BARD1: variants seen among roughly 807,000 people sequenced by gnomAD.
BARD1 encodes the protein BRCA1 associated RING domain 1.
In BARD1, 73 loss-of-function variants were observed where a neutral mutation model predicts 77.0. That is an observed-to-expected ratio of 0.95 (90% CI 0.79 to 1.15). BARD1 has a LOEUF of 1.15. BARD1 is among the 50% of genes most tolerant of loss of function. BARD1 has a pLI of 0.00. For synonymous variants in BARD1, 384 were observed against 338.0 expected, an observed-to-expected ratio of 1.14 and a Z score of -1.49; for missense variants, 993 against 938.8, an observed-to-expected ratio of 1.06 and a Z score of -0.75.
At chr2:214,764,264 G>A (rs1433268879) in intron 6 of BARD1, among the ~76,000 whole-genome samples, 2 of 152,126 alleles carry the variant, frequency 1.3e-5, no homozygotes, top group Non-Finnish European at 2.9e-5. Flanking sequence ...GACTACATTA[G>A]GCACTTGGCA....
Position 214,792,213 on chromosome 2 carries a change from T to C in BARD1, c.364+84A>G, listed in dbSNP as rs938653564. 25 of 1,274,842 alleles carry C rather than the reference T, an allele frequency of 2.0e-5. No homozygotes were observed. The African/African-American group carries it at 2.3e-4, about 12-fold the overall frequency. 79.0% of individuals were successfully genotyped at this position (1,274,842 alleles called of 1,614,324 possible). ...GAAATACGTATTCCAGAACTCCAGA[T>C]AGATGTTTTATATACTTTATGAATA... is the stretch of plus-strand genomic sequence containing the variant. On this transcript the variant is annotated intron_variant, in intron 3 of 10. Coordinates refer to ENST00000260947, the MANE Select transcript of BARD1 (RefSeq NM_000465.4).
At chr2:214,801,699 C>T (rs1012332994) in intron 1 of BARD1, among the ~76,000 whole-genome samples, 1 of 152,098 alleles carries the variant, frequency 6.6e-6, no homozygotes, top group African/African-American at 2.4e-5. Context: ...GACTGTGTTC[C>T]ACTCTTTTCT....
intron 7 of BARD1, 144 bp downstream of exon 7, chr2:214,752,303 C>A: frequency 1.5e-6 from 1 of 673,416 alleles, no homozygotes. Context: ...GTCTTTGAAT[C>A]CACAGTAGCT....
intron 7 of BARD1, among the ~76,000 whole-genome samples, chr2:214,748,689 T>C (rs1693257602): frequency 6.6e-6 from 1 of 151,974 alleles, no homozygotes; most frequent in Non-Finnish European, 1.5e-5. Flanking sequence ...ACATAAAAAT[T>C]CTAAAGAGAA....
At chr2:214,751,132 TATATATATATATA>T (rs1693408598) in intron 7 of BARD1, among the ~76,000 whole-genome samples, 2 of 29,250 alleles carry the variant, frequency 6.8e-5, no homozygotes, top group East Asian at 8.4e-4. Context: ...TATATATATA[TATATATATATATA>T]TATATATTTT....
At chr2:214,799,377 T>G (rs190642761) in intron 1 of BARD1, among the ~76,000 whole-genome samples, 3,056 of 152,296 alleles carry the variant, frequency 0.02, 87 homozygotes, top group African/African-American at 0.067. Context: ...TCTACCAAAG[T>G]AATGTATTCA....
chr2:214,781,120 G>C lies in BARD1; in HGVS notation c.754C>G (p.Pro252Ala), dbSNP rs758368819. 6.3e-7 allele frequency: 1 copy of C among 1,578,532 alleles called. No homozygotes were observed. Among genetic ancestry groups the C allele is most frequent in the African/African-American group, 1.4e-5 (1 of 73,158 alleles). ...FCSQPSVISS[P>A]QINGEIDLLA... ...AAGTCTATTTCACCATTTATCTGAGGACTGGAGATAACAGATGGTTGGCTA... is the reference window on the plus strand; with the variant it reads ...AAGTCTATTTCACCATTTATCTGAGCACTGGAGATAACAGATGGTTGGCTA... The change falls in exon 4 of 11, where the codon CCT becomes GCT. Residue 252 changes from proline to alanine, a missense_variant. Coordinates refer to ENST00000260947, the MANE Select transcript of BARD1 (RefSeq NM_000465.4).
At chr2:214,752,322 G>T in intron 7 of BARD1, 125 bp downstream of exon 7, 1 of 757,344 alleles carries the variant, frequency 1.3e-6, no homozygotes, top group Non-Finnish European at 2.3e-6. Flanking sequence ...CTAATACTCA[G>T]GAAGTGCTCA....
At chr2:214,791,538 C>T (rs1243031223) in intron 3 of BARD1, among the ~76,000 whole-genome samples, 1 of 152,194 alleles carries the variant, frequency 6.6e-6, no homozygotes, top group African/African-American at 2.4e-5. Flanking sequence ...ATTTTACTTT[C>T]TTTCCACAGT....
intron 5 of BARD1, among the ~76,000 whole-genome samples, chr2:214,768,580 T>TA (rs1694323959): frequency 0.017 from 1 of 58 alleles, no homozygotes; most frequent in African/African-American, 0.045. Flanking sequence ...GCTGAATTTC[T>TA]AGTTACAGGA....
chr2:214,763,418 G>A (rs922265187), intron 6 of BARD1, among the ~76,000 whole-genome samples: 3 of 152,088 alleles, frequency 2.0e-5, no homozygotes, highest in Admixed American at 2.0e-4. Context: ...TGAGGCAAAG[G>A]AGCAATGGAG....
chr2:214,802,413 AAATAT>A (rs1417529380), intron 1 of BARD1, among the ~76,000 whole-genome samples: 1 of 152,200 alleles, frequency 6.6e-6, no homozygotes, highest in African/African-American at 2.4e-5. Flanking sequence ...TATGTATATT[AAATAT>A]ATTTTTGACA....
Position 214,757,446 on chromosome 2 carries a change from C to T in BARD1, c.1569-4891G>A, listed in dbSNP as rs143327946. Among the ~76,000 whole-genome samples the T allele has an allele frequency of 2.7e-3, 403 of 152,026 alleles. 4 individuals are homozygous for T. The highest frequency in any genetic ancestry group is 4.5e-3 in the Non-Finnish European group (307 of 67,984). ...CAATCCAGGTGTTCATGTGTCATTG[C>T]TTTTTGCTATCTAAAATGTAGTATG... On this transcript the variant is annotated intron_variant, in intron 6 of 10. Transcript: ENST00000260947.
rs944920202 is a variant in BARD1 at position 214,728,508 on chromosome 2, A to T, written c.*168T>A. ...CAATCCCAGCTTCTAAATGGTAAAC[A>T]TAACATGAATTCCTAATCTGGCATT... On this transcript the variant is annotated 3_prime_UTR_variant, in exon 11 of 11. Coordinates refer to ENST00000260947, the MANE Select transcript of BARD1 (RefSeq NM_000465.4). The T allele has an allele frequency of 4.9e-5, 34 of 692,280 alleles. No individual in the cohort carries two copies. Among genetic ancestry groups the T allele is most frequent in the Non-Finnish European group, 8.0e-5 (34 of 423,500 alleles). 42.9% of individuals were successfully genotyped at this position (692,280 alleles called of 1,614,324 possible).
intron 2 of BARD1, among the ~76,000 whole-genome samples, chr2:214,792,774 T>A (rs1254673573): frequency 6.6e-6 from 1 of 152,172 alleles, no homozygotes; most frequent in Non-Finnish European, 1.5e-5. Flanking sequence ...GCATCCTAAC[T>A]TTTTCTATCT....
intron 3 of BARD1, among the ~76,000 whole-genome samples, chr2:214,782,811 C>T (rs1047232361): frequency 3.3e-5 from 5 of 152,108 alleles, no homozygotes; most frequent in African/African-American, 1.2e-4. Flanking sequence ...TGTAGAATTA[C>T]CACTCTGACT....
At chr2:214,792,167 A>T in intron 3 of BARD1, 130 bp downstream of exon 3, 1 of 977,474 alleles carries the variant, frequency 1.0e-6, no homozygotes, top group Non-Finnish European at 1.4e-6. Flanking sequence ...AAAAAAAAAA[A>T]ACCTACAGAT....
At chr2:214,782,431 G>A (rs747847105) in intron 3 of BARD1, among the ~76,000 whole-genome samples, 93 of 151,710 alleles carry the variant, frequency 6.1e-4, no homozygotes, top group Non-Finnish European at 1.3e-3. Flanking sequence ...TTCAGTTTGT[G>A]CAAATTCATT....
At chr2:214,738,167 A>G (rs932761673) in intron 9 of BARD1, among the ~76,000 whole-genome samples, 1 of 152,208 alleles carries the variant, frequency 6.6e-6, no homozygotes, top group Non-Finnish European at 1.5e-5. Flanking sequence ...TTATAGTTGA[A>G]GGTTTTGACT....
Sources: allele counts gnomAD v4.1 joint callset (sites outside exome capture counted in the v4.1 genomes callset), GRCh38; gene constraint gnomAD v4.1.1; transcripts MANE v1.5; gene names NCBI Gene and HGNC (gene_info 2026-07-23, HGNC 2026-07-21).